The following GPR158 variants were observed in gnomAD, a reference collection of about 807,000 sequenced individuals.
The protein encoded by GPR158 is G protein-coupled receptor 158, also known as metabotropic glycine receptor.
A neutral mutation model predicts 78.2 loss-of-function variants in GPR158; 30 were observed. The observed-to-expected ratio is 0.38, with a 90% CI of 0.29 to 0.52. GPR158 has a LOEUF of 0.52. GPR158 is among the 20% of genes least tolerant of loss of function. GPR158 has a pLI of 0.83. For missense variants in GPR158, 1,463 were observed against 1,523.5 expected (o/e 0.96, Z 0.66); for synonymous variants, 581 against 591.1 (o/e 0.98, Z 0.25).
At chr10:25,372,049 C>G (rs1288787739) in intron 2 of GPR158, among the ~76,000 whole-genome samples, 4 of 151,524 alleles carry the variant, frequency 2.6e-5, no homozygotes, top group Non-Finnish European at 5.9e-5. Context: ...GGGCGAAGGA[C>G]ATGAACAGAC....
At chr10:25,264,940 A>C (rs1854022852) in intron 2 of GPR158, among the ~76,000 whole-genome samples, 1 of 152,212 alleles carries the variant, frequency 6.6e-6, no homozygotes. Flanking sequence ...ACCCAAGGTA[A>C]GACTGTACAG....
intron 2 of GPR158, among the ~76,000 whole-genome samples, chr10:25,281,409 C>CAAAAAAAAA (rs749627659): frequency 3.8e-4 from 26 of 68,242 alleles, no homozygotes; most frequent in Non-Finnish European, 3.9e-4. Context: ...ACCAAAAATA[C>CAAAAAAAAA]AAAAAAAAAA....
intron 2 of GPR158, among the ~76,000 whole-genome samples, chr10:25,273,200 A>G (rs1015209451): frequency 6.6e-6 from 1 of 152,148 alleles, no homozygotes; most frequent in African/African-American, 2.4e-5. Flanking sequence ...ATCATCAGGT[A>G]TAATGCCAGT....
chr10:25,507,818 TC>T (rs907436178), intron 5 of GPR158, among the ~76,000 whole-genome samples: 2 of 152,194 alleles, frequency 1.3e-5, no homozygotes, highest in African/African-American at 4.8e-5. Context: ...GATTTATACT[TC>T]CGGAAATCTA....
chr10:25,342,864 T>C lies in GPR158; in HGVS notation c.1009-53047T>C, dbSNP rs554647043. On this transcript the variant is annotated intron_variant, in intron 2 of 10. Coordinates refer to ENST00000376351, the MANE Select transcript of GPR158 (RefSeq NM_020752.3). Reference sequence around the variant, plus strand: ...TTGGTTTTAATCCTGTCACAGAAGCTTAACGTTTCTGGTTAGGAGATGTTT... The same window carrying C: ...TTGGTTTTAATCCTGTCACAGAAGCCTAACGTTTCTGGTTAGGAGATGTTT... 8.6e-5 allele frequency among the ~76,000 whole-genome samples: 13 copies of C among 151,886 alleles called. No individual in the cohort carries two copies. The South Asian group carries it at 2.7e-3, about 32-fold the overall frequency.
At chr10:25,351,710 C>CTTT (rs66582925) in intron 2 of GPR158, among the ~76,000 whole-genome samples, 29 of 135,466 alleles carry the variant, frequency 2.1e-4, no homozygotes, top group African/African-American at 7.4e-4. Flanking sequence ...GTTTTTCTTT[C>CTTT]TTTTTTTTTT....
Position 25,309,010 on chromosome 10 carries a change from AATAT to A in GPR158, c.1009-86899_1009-86896del, listed in dbSNP as rs921949349. Among the ~76,000 whole-genome samples the A allele has an allele frequency of 3.0e-4, 46 of 152,314 alleles. 1 individual carries two copies. The highest frequency in any genetic ancestry group is 3.4e-3 in the Middle Eastern group (1 of 294). On this transcript the variant is annotated intron_variant, in intron 2 of 10. Transcript: ENST00000376351. ...AGCTATTGTAAATAATGCTGGTATA[AATAT>A]AGCTGTACAGATATTTCTTTATGAG...
At chr10:25,230,782 T>C (rs1819416035) in intron 2 of GPR158, among the ~76,000 whole-genome samples, 1 of 152,154 alleles carries the variant, frequency 6.6e-6, no homozygotes, top group Non-Finnish European at 1.5e-5. Context: ...TTTAAAATAG[T>C]AGATTATAAA....
intron 2 of GPR158, among the ~76,000 whole-genome samples, chr10:25,389,473 T>C (rs550700643): frequency 9.8e-5 from 15 of 152,314 alleles, no homozygotes; most frequent in African/African-American, 3.4e-4. Context: ...TGGAACACTC[T>C]GGCTACAGAG....
chr10:25,460,434 A>G (rs1436864136), intron 4 of GPR158, among the ~76,000 whole-genome samples: 1 of 152,126 alleles, frequency 6.6e-6, no homozygotes, highest in African/African-American at 2.4e-5. Context: ...ACCTCAATTG[A>G]TCCGCCCACC....
chr10:25,234,372 C>T (rs1331012228), intron 2 of GPR158, among the ~76,000 whole-genome samples: 1 of 152,214 alleles, frequency 6.6e-6, no homozygotes. Flanking sequence ...AAAGAGCAAT[C>T]TATCCAAATT....
At chr10:25,463,577 G>A (rs2130614359) in intron 4 of GPR158, among the ~76,000 whole-genome samples, 2 of 152,228 alleles carry the variant, frequency 1.3e-5, no homozygotes. Context: ...AAGTTTCCCA[G>A]TTAACAACTC....
At chr10:25,263,624 A>C (rs1853999379) in intron 2 of GPR158, among the ~76,000 whole-genome samples, 1 of 152,214 alleles carries the variant, frequency 6.6e-6, no homozygotes, top group Non-Finnish European at 1.5e-5. Flanking sequence ...AATTGGCTGT[A>C]GGGGCCATTA....
intron 2 of GPR158, among the ~76,000 whole-genome samples, chr10:25,348,386 T>C (rs1409792470): frequency 7.5e-6 from 1 of 133,806 alleles, no homozygotes; most frequent in African/African-American, 3.1e-5. Context: ...AATGAAATTT[T>C]AGGAAGAAAG....
At chr10:25,316,950 C>T (rs1588795220) in intron 2 of GPR158, among the ~76,000 whole-genome samples, 1 of 129,624 alleles carries the variant, frequency 7.7e-6, no homozygotes, top group East Asian at 2.0e-4. Context: ...TATATATATA[C>T]ACTCTTCCAC....
intron 4 of GPR158, among the ~76,000 whole-genome samples, chr10:25,465,305 T>G (rs533409971): frequency 1.3e-5 from 2 of 152,328 alleles, no homozygotes; most frequent in South Asian, 4.1e-4. Context: ...AAACACAGCA[T>G]GCCTAAAATG....
intron 4 of GPR158, among the ~76,000 whole-genome samples, chr10:25,433,536 G>GTGTGTGTGTGTGTGTGTGTGT (rs150589257): frequency 2.3e-5 from 3 of 131,890 alleles, no homozygotes; most frequent in African/African-American, 6.2e-5. Context: ...TTAGGGGTGT[G>GTGTGTGTGTGTGTGTGTGTGT]TGTGTGTGTG....
intron 2 of GPR158, among the ~76,000 whole-genome samples, chr10:25,361,687 G>C (rs564781474): frequency 6.6e-6 from 1 of 151,938 alleles, no homozygotes; most frequent in Admixed American, 6.6e-5. Context: ...CTGATGATTA[G>C]TTCCATTAAG....
At chr10:25,361,648 A>T (rs977850913) in intron 2 of GPR158, among the ~76,000 whole-genome samples, 1 of 151,932 alleles carries the variant, frequency 6.6e-6, no homozygotes, top group Non-Finnish European at 1.5e-5. Flanking sequence ...GTGAGGTTAC[A>T]TCTCATTGTG....
Sources: gnomAD v4.1 joint callset for allele counts (sites outside exome capture counted in the v4.1 genomes callset) on GRCh38, gnomAD v4.1.1 for gene constraint, MANE v1.5 for transcripts, NCBI Gene and HGNC (gene_info 2026-07-23, HGNC 2026-07-21) for gene names.